Variants in ANXA3 observed in about 807,000 individuals in gnomAD.
ANXA3 encodes the protein annexin A3, also known as 35-alpha calcimedin.
ANXA3 carries 46 observed loss-of-function variants against 48.8 expected under a neutral mutation model. The ratio of observed to expected loss-of-function variants is 0.94; its 90% confidence interval spans 0.74 to 1.21. ANXA3 has a LOEUF of 1.21. Among genes scored for constraint, ANXA3 ranks in the 50% most tolerant of loss-of-function variants. The probability of loss-of-function intolerance (pLI) is 0.00; values close to 1 mark genes in which losing one functional copy is unlikely to be tolerated. For missense variants in ANXA3, 383 were observed against 378.6 expected (o/e 1.01, Z -0.10); for synonymous variants, 128 against 134.7 (o/e 0.95, Z 0.35).
chr4:78,592,294 C>A (rs748480433), intron 7 of ANXA3, among the ~76,000 whole-genome samples: 3 of 152,182 alleles, frequency 2.0e-5, no homozygotes, highest in East Asian at 1.9e-4. Context: ...CCATAGCTCA[C>A]CAATTTTCTT....
At chr4:78,582,153 T>C (rs1296324552) in intron 4 of ANXA3, 24 bp from the exon 5 acceptor site, 1 of 1,498,368 alleles carries the variant, frequency 6.7e-7, no homozygotes, top group South Asian at 1.2e-5. Context: ...TTTCACATTT[T>C]TCCCCTTGGT....
chr4:78,574,439 C>A (rs975895377), intron 3 of ANXA3, among the ~76,000 whole-genome samples: 2 of 152,018 alleles, frequency 1.3e-5, no homozygotes, highest in Non-Finnish European at 2.9e-5. Context: ...ACAACAACAA[C>A]AAAAAAACCC....
At chr4:78,557,236 G>C (rs184528769) in intron 2 of ANXA3, among the ~76,000 whole-genome samples, 21 of 152,268 alleles carry the variant, frequency 1.4e-4, no homozygotes, top group African/African-American at 5.1e-4. Context: ...AACCAGCAAT[G>C]ATGCATCAAA....
rs529681609 is a variant in ANXA3, at chr4:78,578,801, C to G, written c.104-226C>G. Among the ~76,000 whole-genome samples, 10 of 150,438 alleles carry G rather than the reference C, an allele frequency of 6.6e-5. 1 individual carries two copies. In the South Asian group the frequency reaches 1.9e-3, roughly 28 times the overall value. On this transcript the variant is annotated intron_variant, in intron 3 of 12. Coordinates refer to ENST00000264908, the MANE Select transcript of ANXA3 (RefSeq NM_005139.3). ...TTAGACAATGATTGTTTCCTTCCCC[C>G]CAAAACTATCCAAATAAAGTTAACT...
chr4:78,554,187 C>G (rs1378636965), intron 1 of ANXA3: 2 of 352,572 alleles, frequency 5.7e-6, no homozygotes, highest in African/African-American at 4.2e-5. Context: ...ATCTTAAGTA[C>G]AAAGATTTTT....
At chr4:78,554,516 C>T (rs779237134) in intron 2 of ANXA3, 28 bp downstream of exon 2, 2 of 1,608,618 alleles carry the variant, frequency 1.2e-6, no homozygotes, top group South Asian at 1.1e-5. Context: ...CTTCACAACA[C>T]AGTAACATAT....
At chr4:78,593,165 A>C (rs916947716) in intron 7 of ANXA3, among the ~76,000 whole-genome samples, 1 of 149,224 alleles carries the variant, frequency 6.7e-6, no homozygotes, top group Non-Finnish European at 1.5e-5. Context: ...CTTAAACCAT[A>C]GAGCCTTTAA....
chr4:78,566,343 T>C lies in ANXA3; in HGVS notation c.16-6837T>C, dbSNP rs553966084. ...CACTGCCCTGATGATGAAATCACTC[T>C]ATTTAAAAAAGAAAAGCTGAACTAT... On this transcript the variant is annotated intron_variant, in intron 2 of 12. Coordinates refer to ENST00000264908, the MANE Select transcript of ANXA3 (RefSeq NM_005139.3). 3.2e-3 allele frequency among the ~76,000 whole-genome samples: 485 copies of C among 152,222 alleles called. 2 individuals carry two copies. Among genetic ancestry groups the C allele is most frequent in the Middle Eastern group, 0.027 (8 of 294 alleles).
intron 2 of ANXA3, among the ~76,000 whole-genome samples, chr4:78,570,704 G>A (rs1456537429): frequency 6.6e-6 from 1 of 152,202 alleles, no homozygotes; most frequent in Non-Finnish European, 1.5e-5. Flanking sequence ...TCTTGGTGCT[G>A]TTTATGTGAA....
intron 6 of ANXA3, among the ~76,000 whole-genome samples, chr4:78,591,041 A>C (rs1191961772): frequency 6.6e-6 from 1 of 152,246 alleles, no homozygotes; most frequent in East Asian, 1.9e-4. Flanking sequence ...AGGAAGGACT[A>C]AGATGAACAT....
chr4:78,605,842 G>C (rs1309139069), intron 12 of ANXA3, among the ~76,000 whole-genome samples: 1 of 152,230 alleles, frequency 6.6e-6, no homozygotes, highest in African/African-American at 2.4e-5. Context: ...AGAGGCTTCT[G>C]TACCTTAAGC....
intron 2 of ANXA3, among the ~76,000 whole-genome samples, chr4:78,557,445 A>G (rs1467249213): frequency 6.6e-6 from 1 of 152,204 alleles, no homozygotes; most frequent in Non-Finnish European, 1.5e-5. Flanking sequence ...CTCTTTCATC[A>G]TGAAACACAA....
intron 2 of ANXA3, among the ~76,000 whole-genome samples, chr4:78,568,394 C>T (rs1486238357): frequency 1.3e-5 from 2 of 152,282 alleles, no homozygotes; most frequent in East Asian, 1.9e-4. Flanking sequence ...AGAGAGCCAT[C>T]GTTTCTCCCC....
chr4:78,588,958 G>C (rs1252368986), intron 6 of ANXA3, among the ~76,000 whole-genome samples: 1 of 152,216 alleles, frequency 6.6e-6, no homozygotes. Flanking sequence ...ACCAGGCACT[G>C]TTTCCCAAGT....
chr4:78,569,277 T>A (rs1378509444), intron 2 of ANXA3, among the ~76,000 whole-genome samples: 4 of 152,026 alleles, frequency 2.6e-5, no homozygotes, highest in African/African-American at 7.3e-5. Flanking sequence ...TTTTTTTTTT[T>A]AAATAGACTT....
At chr4:78,555,330 A>G (rs1052677656) in intron 2 of ANXA3, among the ~76,000 whole-genome samples, 3 of 152,236 alleles carry the variant, frequency 2.0e-5, no homozygotes, top group South Asian at 2.1e-4. Context: ...TTTTAACTAC[A>G]TACAAGTTTA....
intron 7 of ANXA3, among the ~76,000 whole-genome samples, chr4:78,592,519 G>T (rs1193426024): frequency 6.6e-6 from 1 of 152,144 alleles, no homozygotes; most frequent in Non-Finnish European, 1.5e-5. Context: ...GCTCTCAGAG[G>T]TATATATTCC....
At chr4:78,557,631 C>A (rs1722543827) in intron 2 of ANXA3, among the ~76,000 whole-genome samples, 1 of 151,818 alleles carries the variant, frequency 6.6e-6, no homozygotes, top group South Asian at 2.1e-4. Flanking sequence ...GAGGGCAAAC[C>A]CACACGTGGA....
At chr4:78,574,900 G>A (rs1722915708) in intron 3 of ANXA3, among the ~76,000 whole-genome samples, 1 of 152,208 alleles carries the variant, frequency 6.6e-6, no homozygotes, top group Non-Finnish European at 1.5e-5. Flanking sequence ...CATTGATGGG[G>A]ATGCTTCTCT....
Sources: allele counts gnomAD v4.1 joint callset (sites outside exome capture counted in the v4.1 genomes callset), GRCh38; gene constraint gnomAD v4.1.1; transcripts MANE v1.5; gene names NCBI Gene and HGNC (gene_info 2026-07-23, HGNC 2026-07-21).